Variants in MMS22L observed in about 807,000 individuals in gnomAD.
MMS22L encodes protein MMS22-like.
A neutral mutation model predicts 159.1 loss-of-function variants in MMS22L; 74 were observed. That is an observed-to-expected ratio of 0.47 (90% CI 0.39 to 0.56). The LOEUF (loss-of-function observed/expected upper bound fraction) is 0.56. MMS22L is among the 20% of genes least tolerant of loss of function. MMS22L has a pLI of 0.00. For missense variants in MMS22L, 1,351 were observed against 1,422.1 expected, an observed-to-expected ratio of 0.95 and a Z score of 0.80; for synonymous variants, 517 against 506.9, an observed-to-expected ratio of 1.02 and a Z score of -0.27.
At chr6:97,248,597 C>T (rs1812911191) in intron 10 of MMS22L, among the ~76,000 whole-genome samples, 1 of 152,180 alleles carries the variant, frequency 6.6e-6, no homozygotes, top group African/African-American at 2.4e-5. Flanking sequence ...GCTGGGCTCA[C>T]TCCTGTAATC....
chr6:97,247,061 T>G (rs1812737444), intron 10 of MMS22L, among the ~76,000 whole-genome samples: 1 of 151,234 alleles, frequency 6.6e-6, no homozygotes, highest in South Asian at 2.1e-4. Flanking sequence ...ATCATCCCTA[T>G]TTTCCACTTT....
rs1554272933 is a variant in MMS22L, at chr6:97,238,591, G to GTGTGTGTGTT, written c.1183-4612_1183-4611insAACACACACA. The stretch of plus-strand genomic sequence containing the variant: ...TCATCTCGTGTGTGTGTGTGTGTGT[G>GTGTGTGTGTT]TGTGTGTGTGTGTTTGAGTGTATCA... On this transcript the variant is annotated intron_variant, in intron 11 of 24. Transcript: ENST00000683635. 2.4e-3 allele frequency among the ~76,000 whole-genome samples: 357 copies of GTGTGTGTGTT among 149,594 alleles called. 3 individuals carry two copies. Among genetic ancestry groups the GTGTGTGTGTT allele is most frequent in the African/African-American group, 8.3e-3 (337 of 40,576 alleles).
intron 21 of MMS22L, among the ~76,000 whole-genome samples, chr6:97,163,772 T>C (rs1052218350): frequency 3.9e-5 from 6 of 152,038 alleles, no homozygotes; most frequent in African/African-American, 1.4e-4. Context: ...GTAGGTTTTA[T>C]AAAGGATACG....
intron 9 of MMS22L, chr6:97,260,611 A>T (rs1411037813): frequency 6.6e-6 from 1 of 152,220 alleles, no homozygotes; most frequent in African/African-American, 2.4e-5. Flanking sequence ...TGAACAGACA[A>T]ACTAATTCAA....
chr6:97,160,208 T>C (rs1295722942), intron 22 of MMS22L, among the ~76,000 whole-genome samples: 2 of 152,026 alleles, frequency 1.3e-5, no homozygotes, highest in African/African-American at 2.4e-5. Context: ...AATTCTTTTG[T>C]GTGTTATGTG....
chr6:97,255,845 T>C (rs1456285626), intron 9 of MMS22L, among the ~76,000 whole-genome samples: 6 of 152,160 alleles, frequency 3.9e-5, no homozygotes, highest in African/African-American at 1.4e-4. Context: ...TTTAAATTTA[T>C]CCCTGATAAA....
rs545681601 is a variant in MMS22L, at chr6:97,145,065, C to CAAAAAAAA, written c.*1740_*1741insTTTTTTTT. Reference sequence around the variant, plus strand: ...ACACACACACACACACACACACACACAAAAACACATATACACATAAATAAC... The same window carrying CAAAAAAAA: ...ACACACACACACACACACACACACACAAAAAAAAAAAAACACATATACACATAAATAAC... On this transcript the variant is annotated 3_prime_UTR_variant, in exon 25 of 25. Coordinates refer to ENST00000683635, the MANE Select transcript of MMS22L (RefSeq NM_001350599.2). 1 of 135,414 alleles carries CAAAAAAAA rather than the reference C, an allele frequency of 7.4e-6. No homozygotes were observed. Among genetic ancestry groups the CAAAAAAAA allele is most frequent in the African/African-American group, 3.3e-5 (1 of 30,656 alleles). 8.4% of individuals were successfully genotyped at this position (135,414 alleles called of 1,614,324 possible).
chr6:97,147,301 G>C (rs563577011), intron 24 of MMS22L, among the ~76,000 whole-genome samples: 11 of 152,154 alleles, frequency 7.2e-5, no homozygotes, highest in Non-Finnish European at 1.6e-4. Flanking sequence ...AGCAATTTCA[G>C]TATATATCCC....
chr6:97,162,394 A>C (rs1449063054), intron 21 of MMS22L, among the ~76,000 whole-genome samples: 2 of 152,046 alleles, frequency 1.3e-5, no homozygotes, highest in Admixed American at 1.3e-4. Context: ...CAATATAGTC[A>C]CAAACTAAAT....
rs879002608 is a variant in MMS22L, at chr6:97,145,069, A to G, written c.*1737T>C. On this transcript the variant is annotated 3_prime_UTR_variant, in exon 25 of 25. Coordinates refer to ENST00000683635, the MANE Select transcript of MMS22L (RefSeq NM_001350599.2). ...ACACACACACACACACACACACAAA[A>G]ACACATATACACATAAATAACCTCT... is the stretch of plus-strand genomic sequence containing the variant. 2 of 109,342 alleles carry G rather than the reference A, an allele frequency of 1.8e-5. No individual in the cohort carries two copies. The highest frequency in any genetic ancestry group is 3.4e-5 in the African/African-American group (1 of 29,846). The allele number at this position is 109,342 out of a possible 1,614,324, so 6.8% of individuals were successfully genotyped here. A position where few individuals can be genotyped will look rare whatever the true frequency, so the allele number is the denominator to read the frequency against.
In MMS22L at chr6:97,249,038, G is replaced by C. The variant is rs1424241857; in HGVS notation, c.1120-2348C>G. On this transcript the variant is annotated intron_variant, in intron 10 of 24. Transcript: ENST00000683635. Reference sequence around the variant, plus strand: ...CCCACATAGTCTTAGCTTAGGGCCTGGTCACACCCAAAGAGCAACAATAGT... The same window carrying C: ...CCCACATAGTCTTAGCTTAGGGCCTCGTCACACCCAAAGAGCAACAATAGT... Among the ~76,000 whole-genome samples, 5 of 4,922 alleles carry C rather than the reference G, an allele frequency of 1.0e-3. No individual in the cohort carries two copies. In the Admixed American group the frequency reaches 0.02, roughly 20 times the overall value. 3.2% of individuals were successfully genotyped at this position (4,922 alleles called of 152,430 possible). A position where few individuals can be genotyped will look rare whatever the true frequency, so the allele number is the denominator to read the frequency against.
Position 97,204,570 on chromosome 6 carries a change from T to C in MMS22L, c.2040-17880A>G, listed in dbSNP as rs185099350. ...ACTTTGGGAGGCCAAGGCAGGAGGA[T>C]CACTTGAGCCCAGGAGTTCGAGACT... On this transcript the variant is annotated intron_variant, in intron 14 of 24. Transcript: ENST00000683635. Among the ~76,000 whole-genome samples the C allele has an allele frequency of 3.3e-5, 5 of 152,166 alleles. No individual in the cohort carries two copies. The East Asian group carries it at 7.7e-4, about 24-fold the overall frequency.
chr6:97,276,815 A>G (rs1816281737), intron 4 of MMS22L, among the ~76,000 whole-genome samples: 2 of 152,186 alleles, frequency 1.3e-5, no homozygotes, highest in Admixed American at 1.3e-4. Context: ...CTTGGCTTCC[A>G]CAGCAGCTTG....
At chr6:97,162,523 G>T (rs1437058508) in intron 21 of MMS22L, among the ~76,000 whole-genome samples, 2 of 151,440 alleles carry the variant, frequency 1.3e-5, no homozygotes, top group African/African-American at 4.9e-5. Context: ...GGTCCTCAAT[G>T]CCGCAACATT....
intron 14 of MMS22L, among the ~76,000 whole-genome samples, chr6:97,212,075 T>C (rs1808444216): frequency 6.6e-6 from 1 of 152,218 alleles, no homozygotes; most frequent in Non-Finnish European, 1.5e-5. Context: ...CTCCAACATC[T>C]GTCTATTATT....
At chr6:97,260,819 C>T (rs1378970265) in intron 9 of MMS22L, 7 of 152,166 alleles carry the variant, frequency 4.6e-5, no homozygotes, top group Non-Finnish European at 1.0e-4. Context: ...ACCAAAGTCC[C>T]ATTTCTTTAC....
intron 14 of MMS22L, among the ~76,000 whole-genome samples, chr6:97,188,941 G>A (rs1478938788): frequency 6.6e-6 from 1 of 151,824 alleles, no homozygotes; most frequent in Non-Finnish European, 1.5e-5. Flanking sequence ...CAACTTGGGT[G>A]ACAGAGCAAG....
intron 15 of MMS22L, among the ~76,000 whole-genome samples, chr6:97,184,486 T>C (rs1805025465): frequency 6.6e-6 from 1 of 152,134 alleles, no homozygotes; most frequent in Admixed American, 6.6e-5. Flanking sequence ...TTGGATTTAA[T>C]GAACATCTTA....
At chr6:97,217,454 C>T (rs1255946409) in intron 14 of MMS22L, among the ~76,000 whole-genome samples, 2 of 152,034 alleles carry the variant, frequency 1.3e-5, no homozygotes, top group African/African-American at 2.4e-5. Context: ...GGGGTTTCGC[C>T]GTGTCGGCCA....
Sources: gnomAD v4.1 joint callset for allele counts (sites outside exome capture counted in the v4.1 genomes callset) on GRCh38, gnomAD v4.1.1 for gene constraint, MANE v1.5 for transcripts, NCBI Gene and HGNC (gene_info 2026-07-23, HGNC 2026-07-21) for gene names.